The following COL7A1 variants were observed in gnomAD, a reference collection of about 807,000 sequenced individuals.
The protein encoded by COL7A1 is collagen type VII alpha 1 chain.
COL7A1 carries 296 observed loss-of-function variants against 456.2 expected under a neutral mutation model. The observed-to-expected ratio is 0.65, with a 90% CI of 0.59 to 0.71. COL7A1 has a LOEUF of 0.71. Ranked by LOEUF, COL7A1 falls within the 30% of genes least tolerant of loss-of-function variation. The probability of loss-of-function intolerance (pLI) is 0.00; values close to 1 mark genes in which losing one functional copy is unlikely to be tolerated. For synonymous variants in COL7A1, 1,464 were observed against 1,525.9 expected (o/e 0.96, Z 0.95); for missense variants, 3,441 against 4,017.2 (o/e 0.86, Z 3.88).
In COL7A1 at chr3:48,583,267, C is replaced by T; in HGVS notation, c.4438-96G>A. On this transcript the variant is annotated intron_variant, in intron 42 of 118. Coordinates refer to ENST00000681320, the MANE Select transcript of COL7A1 (RefSeq NM_000094.4). This position sits in a 1 kb window ranked among gnomAD's most constrained non-coding sequence, Gnocchi z 5.1. ...GACAAGGGGTCCCAAACTCCAACCA[C>T]CCCCTCCAAAACCACGACCTCTGAC... is the stretch of plus-strand genomic sequence containing the variant. 2 of 1,601,488 alleles carry T rather than the reference C, an allele frequency of 1.2e-6. No individual in the cohort carries two copies. The highest frequency in any genetic ancestry group is 1.7e-6 in the Non-Finnish European group (2 of 1,171,882).
chr3:48,588,006 C>T lies in COL7A1; in HGVS notation c.2711-67G>A. ...AGTGACACCTGGGGGCATTAAAGGG[C>T]CTGCCCACTTCACTGGCTCTGTTAA... On this transcript the variant is annotated intron_variant, in intron 21 of 118. Transcript: ENST00000681320. The surrounding 1 kb of genome is among the most constrained non-coding windows in gnomAD (Gnocchi z 4.6). 1 of 1,513,788 alleles carries T rather than the reference C, an allele frequency of 6.6e-7. No homozygotes were observed. Among genetic ancestry groups the T allele is most frequent in the East Asian group, 2.5e-5 (1 of 40,596 alleles). The allele number at this position is 1,513,788 out of a possible 1,614,324, so 93.8% of individuals were successfully genotyped here.
chr3:48,593,284 G>T lies in COL7A1; in HGVS notation c.521-21C>A. The T allele has an allele frequency of 6.2e-7, 1 of 1,614,050 alleles. No homozygotes were observed. The highest frequency in any genetic ancestry group is 1.3e-5 in the African/African-American group (1 of 75,006). On this transcript the variant is annotated intron_variant, in intron 5 of 118. Transcript: ENST00000681320. The surrounding 1 kb of genome is among the most constrained non-coding windows in gnomAD (Gnocchi z 4.4). ...GATCCCTGAAGTGACGACCCATCAG[G>T]ACTCAGTCACCCACATGCTCTCTGA...
At position 48,571,429 on chromosome 3, in the gene COL7A1, A is replaced by T; in HGVS notation, c.7069-151T>A. 1.1e-6 allele frequency: 1 copy of T among 903,840 alleles called. No individual in the cohort carries two copies. The highest frequency in any genetic ancestry group is 1.8e-6 in the Non-Finnish European group (1 of 555,506). The allele number at this position is 903,840 out of a possible 1,614,324, so 56.0% of individuals were successfully genotyped here. A position where few individuals can be genotyped will look rare whatever the true frequency, so the allele number is the denominator to read the frequency against. On this transcript the variant is annotated intron_variant, in intron 92 of 118. Transcript: ENST00000681320. The surrounding 1 kb of genome is among the most constrained non-coding windows in gnomAD (Gnocchi z 4.6). ...ACCAAGAATTGGCTCACAGGAGCTC[A>T]GACATGACCATGGCCTATCTCAGGA...
At chr3:48,576,835 C>T (rs2044342486) in intron 67 of COL7A1, 49 bp downstream of exon 67, 2 of 1,613,896 alleles carry the variant, frequency 1.2e-6, no homozygotes, top group Admixed American at 3.3e-5. Context: ...TCATATTCCC[C>T]CAGGGTCAGG....
chr3:48,587,908 G>A lies in COL7A1; in HGVS notation c.2742C>T (p.Pro914=), dbSNP rs140193653. ...CGTCCAGGTGATAGCTGCTGAGCTCGGGCCCCAGGACCCGGGACTGTTCCT... is the reference window on the plus strand; with the variant it reads ...CGTCCAGGTGATAGCTGCTGAGCTCAGGCCCCAGGACCCGGGACTGTTCCT... ...GGQEQSRVLG[P]ELSSYHLDGL... is the part of the protein sequence containing the mutation. Residue 914 remains proline (P), a synonymous_variant, in exon 22 of 119, where the codon CCC becomes CCT. Coordinates refer to ENST00000681320, the MANE Select transcript of COL7A1 (RefSeq NM_000094.4). The surrounding 1 kb of genome is among the most constrained non-coding windows in gnomAD (Gnocchi z 6.1). The A allele has an allele frequency of 1.9e-5, 31 of 1,604,726 alleles. No homozygotes were observed. Among genetic ancestry groups the A allele is most frequent in the African/African-American group, 1.6e-4 (12 of 74,790 alleles).
Position 48,590,808 on chromosome 3 carries a change from G to A in COL7A1, c.1645C>T (p.Arg549Trp), listed in dbSNP as rs868465415. The A allele has an allele frequency of 6.2e-6, 10 of 1,613,352 alleles. No homozygotes were observed. Among genetic ancestry groups the A allele is most frequent in the African/African-American group, 2.7e-5 (2 of 75,006 alleles). The change falls in exon 14 of 119, where the codon CGG becomes TGG. Residue 549 changes from arginine (R) to tryptophan (W), a missense_variant. Around this residue, in one of 3 missense-constraint regions of COL7A1, gnomAD observed 913 missense variants for 1,088.2 expected, o/e 0.84. Transcript: ENST00000681320. This position sits in a 1 kb window ranked among gnomAD's most constrained non-coding sequence, Gnocchi z 4.6. ...IIVRSTQGVE[R>W]TLVLPGSQTA... ...TGACTCCCAGGAAGCACCAGGGTCC[G>A]CTCAACCCCTAAGAGAGAAGTCAGG...
chr3:48,592,837 A>G lies in COL7A1; in HGVS notation c.784T>C (p.Tyr262His). 6.2e-7 allele frequency: 1 copy of G among 1,613,900 alleles called. No homozygotes were observed. Among genetic ancestry groups the G allele is most frequent in the South Asian group, 1.1e-5 (1 of 91,084 alleles). Reference protein sequence around the residue: ...WTAASGPVTGYKVQYTPLTGL... With the variant: ...WTAASGPVTGHKVQYTPLTGL... ...GTCAGAGGAGTGTACTGGACCTTGT[A>G]GCCAGTCACAGGGCCACTGGCCGCT... is the stretch of plus-strand genomic sequence containing the variant. The change falls in exon 7 of 119, where the codon TAC (tyrosine) becomes CAC (histidine). Residue 262 changes from tyrosine to histidine, a missense_variant. Physicochemically the swap from Tyr to His is moderately conservative, Grantham distance 83. This residue lies in a region of COL7A1 where 913 missense variants were observed against 1,088.2 expected (regional missense o/e 0.84). Transcript: ENST00000681320. The surrounding 1 kb of genome is among the most constrained non-coding windows in gnomAD (Gnocchi z 7.6).
chr3:48,585,719 C>T lies in COL7A1; in HGVS notation c.3802G>A (p.Val1268Ile). 1.2e-6 allele frequency: 2 copies of T among 1,614,048 alleles called. No individual in the cohort carries two copies. Among genetic ancestry groups the T allele is most frequent in the Non-Finnish European group, 1.7e-6 (2 of 1,180,018 alleles). The stretch of plus-strand genomic sequence containing the variant: ...AGGCCAGGGTCGCCAGGAGGCCCAA[C>T]TTGTCCTCTCAGGCCCTAGGAAGGG... ...EPGEMGLRGQ[V>I]GPPGDPGLPG... The change falls in exon 31 of 119, where the codon GTT becomes ATT. Residue 1268 changes from valine (V) to isoleucine (I), a missense_variant. Around this residue, in one of 3 missense-constraint regions of COL7A1, gnomAD observed 2,084 missense variants for 2,501.3 expected, o/e 0.83. Coordinates refer to ENST00000681320, the MANE Select transcript of COL7A1 (RefSeq NM_000094.4). This position sits in a 1 kb window ranked among gnomAD's most constrained non-coding sequence, Gnocchi z 4.5.
intron 68 of COL7A1, 53 bp from the exon 69 acceptor site, chr3:48,576,610 G>C: frequency 6.3e-7 from 1 of 1,593,458 alleles, no homozygotes. Context: ...CTTCCCAGGA[G>C]GGTTGCCCAT....
At position 48,580,170 on chromosome 3, in the gene COL7A1, C is replaced by A; in HGVS notation, c.5098-113G>T. 6.5e-7 allele frequency: 1 copy of A among 1,540,154 alleles called. No individual in the cohort carries two copies. On this transcript the variant is annotated intron_variant, in intron 56 of 118. Transcript: ENST00000681320. The surrounding 1 kb of genome is among the most constrained non-coding windows in gnomAD (Gnocchi z 4.5). ...GTTCCCCGAAGCACCCCAATGCCAG[C>A]CCCCAGCAGGCATGGGTGGCCATCC...
rs761997625 is a variant in COL7A1, at chr3:48,564,460, G to A, written c.8819-38C>T. The A allele has an allele frequency of 8.1e-6, 13 of 1,613,000 alleles. No homozygotes were observed. Among genetic ancestry groups the A allele is most frequent in the Non-Finnish European group, 9.3e-6 (11 of 1,179,518 alleles). On this transcript the variant is annotated intron_variant, in intron 118 of 118. Transcript: ENST00000681320. The surrounding 1 kb of genome is among the most constrained non-coding windows in gnomAD (Gnocchi z 6.0). ...GGTTGGAAACGGTCGTCAGCCATCT[G>A]ACCTTCCCCGGAGACGCTCAGGCAG...
In COL7A1 at chr3:48,565,799, A is replaced by T; in HGVS notation, c.8408-131T>A. The T allele has an allele frequency of 1.2e-6, 1 of 852,116 alleles. No homozygotes were observed. Among genetic ancestry groups the T allele is most frequent in the Non-Finnish European group, 1.9e-6 (1 of 516,466 alleles). 52.8% of individuals were successfully genotyped at this position (852,116 alleles called of 1,614,324 possible). On this transcript the variant is annotated intron_variant, in intron 114 of 118. Coordinates refer to ENST00000681320, the MANE Select transcript of COL7A1 (RefSeq NM_000094.4). The surrounding 1 kb of genome is among the most constrained non-coding windows in gnomAD (Gnocchi z 4.5). ...ATAGCAGGAGAGGGTAACAGGAGAG[A>T]GAGGAAGAGAGAGGGTGGGAGGTAG...
rs1300309101 is a variant in COL7A1, at chr3:48,588,299, A to G, written c.2693T>C (p.Leu898Pro). 1.2e-6 allele frequency: 2 copies of G among 1,612,872 alleles called. No individual in the cohort carries two copies. The highest frequency in any genetic ancestry group is 1.7e-6 in the Non-Finnish European group (2 of 1,179,990). The change falls in exon 21 of 119, where the codon CTG (leucine) becomes CCG (proline). Residue 898 changes from leucine to proline, a missense_variant. Leu to Pro is a moderately conservative substitution (Grantham distance 98). This residue lies in a region of COL7A1 where 444 missense variants were observed against 427.6 expected (regional missense o/e 1.04). Coordinates refer to ENST00000681320, the MANE Select transcript of COL7A1 (RefSeq NM_000094.4). This position sits in a 1 kb window ranked among gnomAD's most constrained non-coding sequence, Gnocchi z 4.6. Reference sequence around the variant, plus strand: ...CCTCTCACCCTCAGGTTGCCAGTGCAGAAGGAAGCCCTGCGCTCTGGGCAC... The same window carrying G: ...CCTCTCACCCTCAGGTTGCCAGTGCGGAAGGAAGCCCTGCGCTCTGGGCAC... ...EPVPRAQGFL[L>P]HWQPEGGQEQ...
intron 47 of COL7A1, 152 bp downstream of exon 47, chr3:48,582,171 C>G (rs2044807459): frequency 6.9e-7 from 1 of 1,452,502 alleles, no homozygotes; most frequent in East Asian, 2.3e-5. Flanking sequence ...AGCCAAGAGT[C>G]TGGGGGCAGG....
rs115744844 is a variant in COL7A1 at position 48,595,323 on chromosome 3, A to C, written c.-57T>G. On this transcript the variant is annotated 5_prime_UTR_variant, in exon 1 of 119. Transcript: ENST00000681320. The stretch of plus-strand genomic sequence containing the variant: ...CTGCAGTCTCTCGGGCAGAGCAGAG[A>C]AAAGTCCCTGATCTCGGGGGGCGGA... 0.017 allele frequency: 11,204 copies of C among 640,506 alleles called. 189 individuals are homozygous for C. The highest frequency in any genetic ancestry group is 0.017 in the Non-Finnish European group (6,259 of 358,610). 39.7% of individuals were successfully genotyped at this position (640,506 alleles called of 1,614,324 possible). A position where few individuals can be genotyped will look rare whatever the true frequency, so the allele number is the denominator to read the frequency against.
At position 48,589,416 on chromosome 3, in the gene COL7A1, C is replaced by A; in HGVS notation, c.2225G>T (p.Gly742Val). Residue 742 changes from glycine (G) to valine (V), a missense_variant, in exon 18 of 119, where the codon GGA becomes GTA. Physicochemically the swap from Gly to Val is moderately radical, Grantham distance 109. Coordinates refer to ENST00000681320, the MANE Select transcript of COL7A1 (RefSeq NM_000094.4). The part of the protein sequence containing the change: ...SGEATVAELD[G>V]LEPDTEYTVH... ...CGTATACTCAGTATCTGGCTCCAGT[C>A]CATCCAGCTCAGCCACCGTGGCCTC... The A allele has an allele frequency of 6.2e-7, 1 of 1,613,740 alleles. No homozygotes were observed. The highest frequency in any genetic ancestry group is 8.5e-7 in the Non-Finnish European group (1 of 1,180,004).
chr3:48,585,807 T>C lies in COL7A1; in HGVS notation c.3786+23A>G. On this transcript the variant is annotated intron_variant, in intron 30 of 118. Transcript: ENST00000681320. The surrounding 1 kb of genome is among the most constrained non-coding windows in gnomAD (Gnocchi z 4.5). ...CACTGACACTCAACCCATTCTCTAT[T>C]CCCCGCCCGCAGGGGCACTCACCAT... 1 of 1,613,938 alleles carries C rather than the reference T, an allele frequency of 6.2e-7. No homozygotes were observed. Among genetic ancestry groups the C allele is most frequent in the South Asian group, 1.1e-5 (1 of 91,078 alleles).
Position 48,590,082 on chromosome 3 carries a change from A to T in COL7A1, c.2050+131T>A. On this transcript the variant is annotated intron_variant, in intron 16 of 118. Coordinates refer to ENST00000681320, the MANE Select transcript of COL7A1 (RefSeq NM_000094.4). This position sits in a 1 kb window ranked among gnomAD's most constrained non-coding sequence, Gnocchi z 4.6. ...AACTGAAGAGGAAGCAGCGTCTCTG[A>T]GGGAGGAGGGAGTGGGATTCTGAAG... 1 of 993,782 alleles carries T rather than the reference A, an allele frequency of 1.0e-6. No homozygotes were observed. The highest frequency in any genetic ancestry group is 1.5e-6 in the Non-Finnish European group (1 of 673,278). The allele number at this position is 993,782 out of a possible 1,614,324, so 61.6% of individuals were successfully genotyped here.
In COL7A1 at chr3:48,570,622, A is replaced by T. The variant is rs1298817889; in HGVS notation, c.7344+17T>A. 2 of 1,609,202 alleles carry T rather than the reference A, an allele frequency of 1.2e-6. No individual in the cohort carries two copies. The highest frequency in any genetic ancestry group is 3.4e-5 in the Admixed American group (2 of 59,280). On this transcript the variant is annotated intron_variant, in intron 96 of 118. Coordinates refer to ENST00000681320, the MANE Select transcript of COL7A1 (RefSeq NM_000094.4). The surrounding 1 kb of genome is among the most constrained non-coding windows in gnomAD (Gnocchi z 5.5). ...CAGGAAATCAAATACGTGGGGCTTTAGGGCACCTCTACTCACCACTGACCC... is the reference window on the plus strand; with the variant it reads ...CAGGAAATCAAATACGTGGGGCTTTTGGGCACCTCTACTCACCACTGACCC...
Sources: allele counts gnomAD v4.1 joint callset, GRCh38; gene constraint gnomAD v4.1.1; regional missense constraint gnomAD v4.1.1; non-coding constraint Gnocchi (gnomAD v3.1); transcripts MANE v1.5; gene names NCBI Gene and HGNC (gene_info 2026-07-23, HGNC 2026-07-21).